TGFBRAP1: variants seen among roughly 807,000 people sequenced by gnomAD.
The protein encoded by TGFBRAP1 is transforming growth factor beta receptor associated protein 1, also known as transforming growth factor-beta receptor-associated protein 1.
TGFBRAP1 carries 20 observed loss-of-function variants against 83.2 expected under a neutral mutation model. The ratio of observed to expected loss-of-function variants is 0.24; its 90% CI spans 0.17 to 0.35. TGFBRAP1 has a LOEUF of 0.35. Among genes scored for constraint, TGFBRAP1 ranks in the 10% least tolerant of loss-of-function variants. The pLI, the probability that TGFBRAP1 is intolerant of heterozygous loss-of-function variation, is 1.00. For synonymous variants in TGFBRAP1, 415 were observed against 459.8 expected (o/e 0.90, Z 1.25); for missense variants, 950 against 1,099.4 (o/e 0.86, Z 1.92).
chr2:105,301,294 A>G (rs1678282032), intron 2 of TGFBRAP1, among the ~76,000 whole-genome samples: 1 of 152,068 alleles, frequency 6.6e-6, no homozygotes, highest in Non-Finnish European at 1.5e-5. Flanking sequence ...CAGTATAAGA[A>G]ATGAAACTGG....
At chr2:105,252,144 AT>A in the TGFBRAP1 span, among the ~76,000 whole-genome samples, 1,423 of 152,244 alleles carry the variant, frequency 9.3e-3, 15 homozygotes, top group African/African-American at 0.026. Context: ...AATAAAAAAA[AT>A]AAATAAATAA....
intron 1 of TGFBRAP1, among the ~76,000 whole-genome samples, chr2:105,318,274 T>C (rs907766324): frequency 6.6e-6 from 1 of 152,134 alleles, no homozygotes; most frequent in African/African-American, 2.4e-5. Context: ...CAAGGATGAA[T>C]CTTAAGAGAA....
At chr2:105,254,609 C>T in the TGFBRAP1 span, among the ~76,000 whole-genome samples, 1 of 151,500 alleles carries the variant, frequency 6.6e-6, no homozygotes, top group South Asian at 2.1e-4. Context: ...ACTCAAGAAA[C>T]CCTTTGAACA....
intron 4 of TGFBRAP1, among the ~76,000 whole-genome samples, chr2:105,293,983 A>T (rs1409649397): frequency 1.3e-5 from 2 of 152,174 alleles, no homozygotes; most frequent in Admixed American, 6.5e-5. Flanking sequence ...AAGAGGAGAT[A>T]TTTATGCGAG....
rs981358253 is a variant in TGFBRAP1, at chr2:105,327,682, G to T, written c.-18+1943C>A. Reference sequence around the variant, plus strand: ...CCTCAACTGGAGCTGCCTAAATGAAGAATGGGCCCTTTACAAATCCCTGTC... The same window carrying T: ...CCTCAACTGGAGCTGCCTAAATGAATAATGGGCCCTTTACAAATCCCTGTC... On this transcript the variant is annotated intron_variant, in intron 1 of 11. Coordinates refer to ENST00000393359, the MANE Select transcript of TGFBRAP1 (RefSeq NM_004257.6). Among the ~76,000 whole-genome samples the T allele has an allele frequency of 8.5e-5, 13 of 152,324 alleles. 3 individuals carry two copies. In the East Asian group the frequency reaches 1.7e-3, roughly 20 times the overall value.
intron 2 of TGFBRAP1, among the ~76,000 whole-genome samples, chr2:105,304,973 T>A (rs1414836525): frequency 6.6e-6 from 1 of 152,116 alleles, no homozygotes; most frequent in Admixed American, 6.5e-5. Flanking sequence ...AAAGGACTTT[T>A]AAGGTGGTGA....
At position 105,269,763 on chromosome 2, in the gene TGFBRAP1, G is replaced by T; in HGVS notation, c.1973-58C>A. The stretch of plus-strand genomic sequence containing the variant: ...GGGGCTCGCCGGCCACCCGCCCAGC[G>T]ACTGGCCTCCTTGCTGCTCTGGGCT... On this transcript the variant is annotated intron_variant, in intron 10 of 11. Transcript: ENST00000393359. The surrounding 1 kb of genome is among the most constrained non-coding windows in gnomAD (Gnocchi z 4.1). The T allele has an allele frequency of 2.8e-6, 4 of 1,435,874 alleles. No homozygotes were observed. Among genetic ancestry groups the T allele is most frequent in the South Asian group, 3.0e-5 (2 of 67,180 alleles). 88.9% of individuals were successfully genotyped at this position (1,435,874 alleles called of 1,614,324 possible).
intron 11 of TGFBRAP1, 65 bp from the exon 12 acceptor site, chr2:105,267,624 C>G: frequency 3.1e-6 from 5 of 1,593,892 alleles, no homozygotes; most frequent in Non-Finnish European, 4.3e-6. Context: ...TGGCTACGTT[C>G]TAGTTTTGCA....
chr2:105,254,781 G>C, the TGFBRAP1 span, among the ~76,000 whole-genome samples: 1 of 152,154 alleles, frequency 6.6e-6, no homozygotes, highest in African/African-American at 2.4e-5. Flanking sequence ...GCCTTAGGAG[G>C]TGAGGCCTTT....
chr2:105,295,760 G>A (rs140735369), intron 4 of TGFBRAP1, among the ~76,000 whole-genome samples: 2,484 of 143,520 alleles, frequency 0.017, 36 homozygotes, highest in South Asian at 0.034. Flanking sequence ...GCAGTGAGCC[G>A]AGATCGCGTC....
Position 105,307,755 on chromosome 2 carries a change from C to G in TGFBRAP1, c.547G>C (p.Ala183Pro). Residue 183 changes from alanine to proline, a missense_variant, in exon 2 of 12, where the codon GCT becomes CCT. Transcript: ENST00000393359. Reference sequence around the variant, plus strand: ...TGGATGATGTACTGAGTGGTCAGAGCCAGACACAGGAAGTGGCCGTCCACA... The same window carrying G: ...TGGATGATGTACTGAGTGGTCAGAGGCAGACACAGGAAGTGGCCGTCCACA... ...VAVDGHFLCL[A>P]LTTQYIIHNY... The G allele has an allele frequency of 1.2e-6, 2 of 1,614,166 alleles. No homozygotes were observed. The highest frequency in any genetic ancestry group is 1.7e-6 in the Non-Finnish European group (2 of 1,180,032).
At position 105,307,706 on chromosome 2, in the gene TGFBRAP1, T is replaced by C; in HGVS notation, c.596A>G (p.Gln199Arg). ...IIHNYSTGVS[Q>R]DLFPYCSEER... The stretch of plus-strand genomic sequence containing the variant: ...CTCACTGCAGTAGGGAAACAGGTCC[T>C]GGGAGACGCCTGTGCTGTAATTGTG... The change falls in exon 2 of 12, where the codon CAG (glutamine) becomes CGG (arginine). Residue 199 changes from glutamine (Q) to arginine (R), a missense_variant. Gln to Arg is a conservative substitution (Grantham distance 43). Coordinates refer to ENST00000393359, the MANE Select transcript of TGFBRAP1 (RefSeq NM_004257.6). 1 of 1,614,168 alleles carries C rather than the reference T, an allele frequency of 6.2e-7. No homozygotes were observed. The highest frequency in any genetic ancestry group is 8.5e-7 in the Non-Finnish European group (1 of 1,180,034).
At chr2:105,256,494 C>A in the TGFBRAP1 span, among the ~76,000 whole-genome samples, 3 of 152,168 alleles carry the variant, frequency 2.0e-5, no homozygotes, top group Non-Finnish European at 2.9e-5. Flanking sequence ...TGTAACTGTC[C>A]CTGATTGTTT....
intron 1 of TGFBRAP1, among the ~76,000 whole-genome samples, chr2:105,326,251 T>A (rs1679224318): frequency 6.6e-6 from 1 of 152,038 alleles, no homozygotes; most frequent in South Asian, 2.1e-4. Context: ...TAAGGGTGTA[T>A]GTGTGTGTGT....
At position 105,267,416 on chromosome 2, in the gene TGFBRAP1, G is replaced by T; in HGVS notation, c.2550C>A (p.Asn850Lys). 1.2e-6 allele frequency: 2 copies of T among 1,614,186 alleles called. No homozygotes were observed. The highest frequency in any genetic ancestry group is 1.1e-5 in the South Asian group (1 of 91,082). Residue 850 changes from asparagine (N) to lysine (K), a missense_variant, in exon 12 of 12, where the codon AAC (asparagine) becomes AAA (lysine). Physicochemically the swap from Asn to Lys is moderately conservative, Grantham distance 94. Coordinates refer to ENST00000393359, the MANE Select transcript of TGFBRAP1 (RefSeq NM_004257.6). ...GAGTGCCAGGACTGGATGAGCTGGG[G>T]TTTGTGTGTCTGCTGGCGGCACAGT... ...HTHCAASRHT[N>K]PSSSSPGTRT is the part of the protein sequence containing the mutation.
rs769169404 is a variant in TGFBRAP1, at chr2:105,280,414, C to A, written c.1431G>T (p.Thr477=). The change falls in exon 6 of 12, where the codon ACG becomes ACT. Residue 477 remains threonine, a synonymous_variant. Transcript: ENST00000393359. ...LLVTENFCLL[T]DSAAWLEKHK... is the part of the protein sequence containing the mutation. Reference sequence around the variant, plus strand: ...GCTTCTCTAGCCAGGCAGCACTGTCCGTCAGAAGACAGAAGTTCTCAGTGA... The same window carrying A: ...GCTTCTCTAGCCAGGCAGCACTGTCAGTCAGAAGACAGAAGTTCTCAGTGA... 2 of 1,614,008 alleles carry A rather than the reference C, an allele frequency of 1.2e-6. No homozygotes were observed. Among genetic ancestry groups the A allele is most frequent in the Admixed American group, 3.3e-5 (2 of 60,016 alleles).
chr2:105,250,782 T>A, the TGFBRAP1 span, among the ~76,000 whole-genome samples: 1 of 152,180 alleles, frequency 6.6e-6, no homozygotes, highest in African/African-American at 2.4e-5. Context: ...GCCTGCCGAG[T>A]GCCTGCGATT....
intron 2 of TGFBRAP1, among the ~76,000 whole-genome samples, chr2:105,300,454 T>TC (rs372418669): frequency 3.1e-5 from 4 of 127,124 alleles, no homozygotes; most frequent in Non-Finnish European, 1.6e-5. Flanking sequence ...TTTTTTTTTT[T>TC]CCGAGACAGT....
At chr2:105,295,545 G>C (rs1341840657) in intron 4 of TGFBRAP1, among the ~76,000 whole-genome samples, 3 of 152,098 alleles carry the variant, frequency 2.0e-5, no homozygotes, top group Non-Finnish European at 4.4e-5. Context: ...GGGCACGGTG[G>C]CTCACGCCTG....
Sources: gnomAD v4.1 joint callset for allele counts (sites outside exome capture counted in the v4.1 genomes callset) on GRCh38, gnomAD v4.1.1 for gene constraint, Gnocchi (gnomAD v3.1) non-coding constraint, MANE v1.5 for transcripts, NCBI Gene and HGNC (gene_info 2026-07-23, HGNC 2026-07-21) for gene names.